Variants in NETO1 observed in about 807,000 individuals in gnomAD.
NETO1 encodes neuropilin and tolloid like 1.
In NETO1, 26 loss-of-function variants were observed where a neutral mutation model predicts 61.3. The ratio of observed to expected loss-of-function variants is 0.42; its 90% CI spans 0.31 to 0.59. The LOEUF (loss-of-function observed/expected upper bound fraction) is 0.59. NETO1 is among the 20% of genes least tolerant of loss of function. The pLI, the probability that NETO1 is intolerant of heterozygous loss-of-function variation, is 0.12. For synonymous variants in NETO1, 225 were observed against 225.8 expected, an observed-to-expected ratio of 1.00 and a Z score of 0.03; for missense variants, 531 against 662.8, an observed-to-expected ratio of 0.80 and a Z score of 2.18.
chr18:72,835,320 C>A lies in NETO1; in HGVS notation c.469+23506G>T, dbSNP rs778751763. 4.4e-6 allele frequency: 7 copies of A among 1,595,522 alleles called. No homozygotes were observed. In the South Asian group the frequency reaches 7.9e-5, roughly 18 times the overall value. On this transcript the variant is annotated intron_variant, in intron 4 of 10. Coordinates refer to ENST00000327305, the MANE Select transcript of NETO1 (RefSeq NM_138966.5). Reference sequence around the variant, plus strand: ...CCTGCTAAGGAGTTTGCCTTTTATTCTGGAGGCAAAGAGGTAATTAAAGAA... The same window carrying A: ...CCTGCTAAGGAGTTTGCCTTTTATTATGGAGGCAAAGAGGTAATTAAAGAA...
intron 4 of NETO1, among the ~76,000 whole-genome samples, chr18:72,847,679 A>C (rs2074130614): frequency 6.6e-6 from 1 of 152,230 alleles, no homozygotes; most frequent in South Asian, 2.1e-4. Context: ...ATAGATTTTT[A>C]ATCTAAGTGT....
chr18:72,753,902 A>C (rs2145095536), intron 8 of NETO1, among the ~76,000 whole-genome samples: 1 of 152,322 alleles, frequency 6.6e-6, no homozygotes, highest in East Asian at 1.9e-4. Context: ...GTAAATCAGA[A>C]GGATTATATA....
rs144601570 is a variant in NETO1, at chr18:72,750,079, G to A, written c.1524C>T (p.His508=). The A allele has an allele frequency of 4.3e-5, 68 of 1,591,202 alleles. No homozygotes were observed. Among genetic ancestry groups the A allele is most frequent in the East Asian group, 6.7e-5 (3 of 44,684 alleles). Residue 508 remains histidine, a synonymous_variant, in exon 9 of 11, where the codon CAC becomes CAT. Coordinates refer to ENST00000327305, the MANE Select transcript of NETO1 (RefSeq NM_138966.5). ...ATACTGACCGCTGGACGGCTTTATC[G>A]TGTCTGGACAGCCTGTGACTGGTGG... ...VPTTSHRLSR[H]DKAVQRFCLI...
Position 72,841,733 on chromosome 18 carries a change from CAACAAAAAA to C in NETO1, c.469+17084_469+17092del, listed in dbSNP as rs2073939188. The stretch of plus-strand genomic sequence containing the variant: ...TGGGAGACAGAGTGAGACTCTACCT[CAACAAAAAA>C]AAAAAAAAAAAAAAAGTCACTTTAT... On this transcript the variant is annotated intron_variant, in intron 4 of 10. Transcript: ENST00000327305. Among the ~76,000 whole-genome samples the C allele has an allele frequency of 8.5e-5, 6 of 70,990 alleles. No individual in the cohort carries two copies. The South Asian group carries it at 1.4e-3, about 17-fold the overall frequency. The allele number at this position is 70,990 out of a possible 152,430, so 46.6% of individuals were successfully genotyped here.
chr18:72,855,710 A>C (rs2145617367), intron 4 of NETO1, among the ~76,000 whole-genome samples: 1 of 152,330 alleles, frequency 6.6e-6, no homozygotes, highest in Non-Finnish European at 1.5e-5. Context: ...AATAGAAAAA[A>C]AATTCTGGCG....
chr18:72,759,282 G>A (rs1012230758), intron 7 of NETO1, among the ~76,000 whole-genome samples: 82 of 152,192 alleles, frequency 5.4e-4, no homozygotes, highest in African/African-American at 2.0e-3. Flanking sequence ...GTCTTAAACA[G>A]TCTTACAATA....
At chr18:72,795,370 G>C (rs1360435656) in intron 4 of NETO1, among the ~76,000 whole-genome samples, 3 of 152,104 alleles carry the variant, frequency 2.0e-5, no homozygotes, top group African/African-American at 7.2e-5. Context: ...CAATGTTGAA[G>C]GTGTTAATAT....
At chr18:72,793,150 G>A (rs1472762810) in intron 6 of NETO1, among the ~76,000 whole-genome samples, 3 of 152,126 alleles carry the variant, frequency 2.0e-5, no homozygotes, top group East Asian at 1.9e-4. Flanking sequence ...CAGAGTGCTT[G>A]CGACTTTATA....
chr18:72,804,438 A>C (rs1189985793), intron 4 of NETO1, among the ~76,000 whole-genome samples: 1 of 152,212 alleles, frequency 6.6e-6, no homozygotes, highest in Non-Finnish European at 1.5e-5. Context: ...AACTGATTAG[A>C]TTATAACTGA....
At chr18:72,834,229 C>A (rs941945824) in intron 4 of NETO1, 12 of 680,976 alleles carry the variant, frequency 1.8e-5, no homozygotes, top group Non-Finnish European at 2.2e-5. Flanking sequence ...GTATTAATTG[C>A]AAAATAAGTT....
intron 1 of NETO1, 50 bp downstream of exon 1, chr18:72,867,214 C>A (rs781577221): frequency 4.9e-6 from 7 of 1,426,834 alleles, no homozygotes; most frequent in Admixed American, 2.1e-5. Flanking sequence ...GGGAAAGGGG[C>A]GGGAGGGCTG....
intron 7 of NETO1, among the ~76,000 whole-genome samples, chr18:72,765,432 A>G (rs988887649): frequency 1.3e-5 from 2 of 150,506 alleles, no homozygotes. Flanking sequence ...TTTTTTTTTT[A>G]ATTGGAGATG....
chr18:72,802,268 A>C (rs1396733464), intron 4 of NETO1, among the ~76,000 whole-genome samples: 1 of 152,192 alleles, frequency 6.6e-6, no homozygotes, highest in Non-Finnish European at 1.5e-5. Context: ...TCTCACAGTT[A>C]TTGTGAGACC....
Position 72,824,001 on chromosome 18 carries a change from C to T in NETO1, c.470-29597G>A, listed in dbSNP as rs745834607. ...TAAAGAAGTGACTTGGCCTGACTTG[C>T]GTTTTCAAACATCACTCTGGCTGCT... On this transcript the variant is annotated intron_variant, in intron 4 of 10. Transcript: ENST00000327305. Among the ~76,000 whole-genome samples, 3 of 152,180 alleles carry T rather than the reference C, an allele frequency of 2.0e-5. 1 individual carries two copies. Among genetic ancestry groups the T allele is most frequent in the Admixed American group, 2.0e-4 (3 of 15,276 alleles).
intron 3 of NETO1, 33 bp downstream of exon 3, chr18:72,864,775 T>A (rs1223253980): frequency 6.2e-7 from 1 of 1,613,756 alleles, no homozygotes; most frequent in Non-Finnish European, 8.5e-7. Context: ...TTTGGCTTAG[T>A]GCTTTCTTAA....
intron 4 of NETO1, among the ~76,000 whole-genome samples, chr18:72,829,116 A>C (rs962481691): frequency 6.6e-6 from 1 of 152,206 alleles, no homozygotes; most frequent in Non-Finnish European, 1.5e-5. Context: ...TATAAACAAA[A>C]ATAATTTCAC....
At chr18:72,763,755 C>T (rs12960991) in intron 7 of NETO1, among the ~76,000 whole-genome samples, 45,662 of 151,888 alleles carry the variant, frequency 0.3, 7,975 homozygotes, top group South Asian at 0.41. Context: ...CTCACAAACA[C>T]GTATGGAAAA....
chr18:72,806,088 G>T (rs530438001), intron 4 of NETO1, among the ~76,000 whole-genome samples: 1 of 151,928 alleles, frequency 6.6e-6, no homozygotes, highest in Non-Finnish European at 1.5e-5. Context: ...GTTGGTAGAC[G>T]ACATTACCTA....
chr18:72,840,072 A>G (rs2073881537), intron 4 of NETO1, among the ~76,000 whole-genome samples: 1 of 152,190 alleles, frequency 6.6e-6, no homozygotes, highest in South Asian at 2.1e-4. Context: ...TCCTTTGAAA[A>G]CAGTATGGTT....
Sources: gnomAD v4.1 joint callset for allele counts (sites outside exome capture counted in the v4.1 genomes callset) on GRCh38, gnomAD v4.1.1 for gene constraint, MANE v1.5 for transcripts, NCBI Gene and HGNC (gene_info 2026-07-23, HGNC 2026-07-21) for gene names.